Variants in DSCAML1 observed in about 807,000 individuals in gnomAD.
DSCAML1 encodes cell adhesion molecule DSCAML1.
DSCAML1 carries 38 observed loss-of-function variants against 200.5 expected under a neutral mutation model. The observed-to-expected ratio is 0.19, with a 90% CI of 0.15 to 0.25. DSCAML1 has a LOEUF of 0.25. Ranked by LOEUF, DSCAML1 falls within the 10% of genes least tolerant of loss-of-function variation. The pLI is 1.00. For synonymous variants in DSCAML1, 1,215 were observed against 1,165.0 expected (o/e 1.04, Z -0.87); for missense variants, 2,223 against 2,858.8 (o/e 0.78, Z 5.07).
chr11:117,505,533 G>C lies in DSCAML1; in HGVS notation c.1983C>G (p.Leu661=). The C allele has an allele frequency of 6.2e-7, 1 of 1,613,552 alleles. No homozygotes were observed. The highest frequency in any genetic ancestry group is 1.1e-5 in the South Asian group (1 of 91,068). Residue 661 remains leucine (L), a synonymous_variant, in exon 9 of 33, where the codon CTC becomes CTG. Coordinates refer to ENST00000651296, the MANE Select transcript of DSCAML1 (RefSeq NM_020693.4). The surrounding 1 kb of genome is among the most constrained non-coding windows in gnomAD (Gnocchi z 6.7). ...TGCATGTATAGTTGCCGTTGTGCTT[G>C]AGGGAGACGCTAGAGATCTGCAGGG... ...MSSLQISSVS[L]KHNGNYTCIA...
chr11:117,764,659 C>A (rs2054860173), intron 3 of DSCAML1, among the ~76,000 whole-genome samples: 1 of 152,262 alleles, frequency 6.6e-6, no homozygotes, highest in Non-Finnish European at 1.5e-5. Context: ...CTGACGGAAC[C>A]AGAAGCTGTG....
rs777965273 is a variant in DSCAML1 at position 117,431,655 on chromosome 11, G to A, written c.5253C>T (p.Thr1751=). The A allele has an allele frequency of 1.2e-6, 2 of 1,613,124 alleles. No individual in the cohort carries two copies. Reference sequence around the variant, plus strand: ...GGGCAGGTGTGGAGGCCTGGCACTTGGTCAGGGTCCACTGGCTTGAGTACC... The same window carrying A: ...GGGCAGGTGTGGAGGCCTGGCACTTAGTCAGGGTCCACTGGCTTGAGTACC... ...RNRYSSQWTL[T]KCQASTPART... Residue 1751 remains threonine, a synonymous_variant, in exon 31 of 33, where the codon ACC becomes ACT. Transcript: ENST00000651296.
At chr11:117,701,747 A>G (rs764608032) in intron 3 of DSCAML1, among the ~76,000 whole-genome samples, 7 of 152,024 alleles carry the variant, frequency 4.6e-5, no homozygotes, top group Non-Finnish European at 7.4e-5. Context: ...CTTGTCTGTC[A>G]CCTACAGACC....
chr11:117,580,762 C>T (rs1436249970), intron 3 of DSCAML1, among the ~76,000 whole-genome samples: 1 of 152,138 alleles, frequency 6.6e-6, no homozygotes, highest in Admixed American at 6.5e-5. Flanking sequence ...TTCCTTCTAG[C>T]ACTGCTGTGT....
chr11:117,782,345 G>C (rs1043381651), intron 1 of DSCAML1, among the ~76,000 whole-genome samples: 1 of 152,206 alleles, frequency 6.6e-6, no homozygotes, highest in South Asian at 2.1e-4. Flanking sequence ...AAACACATTC[G>C]TGGGCTTCTT....
chr11:117,805,676 G>C (rs1357845233), intron 1 of DSCAML1, among the ~76,000 whole-genome samples: 1 of 152,078 alleles, frequency 6.6e-6, no homozygotes, highest in African/African-American at 2.4e-5. Context: ...CACTGTTTCT[G>C]GTCCACACCT....
intron 3 of DSCAML1, among the ~76,000 whole-genome samples, chr11:117,590,475 G>A (rs550320891): frequency 6.6e-6 from 1 of 152,084 alleles, no homozygotes; most frequent in Admixed American, 6.5e-5. Context: ...GAAAGCAGCA[G>A]CCAGACACCT....
chr11:117,780,521 G>A lies in DSCAML1; in HGVS notation c.336C>T (p.Ile112=). 1 of 1,455,206 alleles carries A rather than the reference G, an allele frequency of 6.9e-7. No homozygotes were observed. The highest frequency in any genetic ancestry group is 9.1e-7 in the Non-Finnish European group (1 of 1,097,472). The allele number at this position is 1,455,206 out of a possible 1,614,324, so 90.1% of individuals were successfully genotyped here. A position where few individuals can be genotyped will look rare whatever the true frequency, so the allele number is the denominator to read the frequency against. The part of the protein sequence containing the change: ...FCTAENAAGK[I]RSPNIRVKAV... ...CTTTGACGCGGATGTTGGGGCTCCG[G>A]ATCTTGCCGGCAGCGTTCTCCGCGG... The change falls in exon 2 of 33, where the codon ATC becomes ATT. Residue 112 remains isoleucine, a synonymous_variant. Coordinates refer to ENST00000651296, the MANE Select transcript of DSCAML1 (RefSeq NM_020693.4). The surrounding 1 kb of genome is among the most constrained non-coding windows in gnomAD (Gnocchi z 4.8).
intron 3 of DSCAML1, among the ~76,000 whole-genome samples, chr11:117,712,943 G>C (rs1233181928): frequency 2.6e-5 from 4 of 151,968 alleles, no homozygotes; most frequent in Non-Finnish European, 5.9e-5. Context: ...AAGAGATTGA[G>C]GTATGAAAGA....
intron 3 of DSCAML1, among the ~76,000 whole-genome samples, chr11:117,554,871 C>T (rs562374563): frequency 5.9e-5 from 9 of 152,290 alleles, no homozygotes; most frequent in South Asian, 4.1e-4. Context: ...AATTTGGCCA[C>T]GCTGTTGTGG....
intron 3 of DSCAML1, among the ~76,000 whole-genome samples, chr11:117,582,793 C>A (rs1483201016): frequency 6.6e-6 from 1 of 152,180 alleles, no homozygotes; most frequent in Non-Finnish European, 1.5e-5. Flanking sequence ...GGGATATTGA[C>A]CCCTCAGTTC....
intron 3 of DSCAML1, among the ~76,000 whole-genome samples, chr11:117,715,417 A>T (rs2053935027): frequency 6.6e-6 from 1 of 152,106 alleles, no homozygotes; most frequent in African/African-American, 2.4e-5. Flanking sequence ...AAGTTAATGC[A>T]CTTCAATGGG....
chr11:117,634,527 G>A (rs763134826), intron 3 of DSCAML1, among the ~76,000 whole-genome samples: 5 of 152,160 alleles, frequency 3.3e-5, no homozygotes, highest in Non-Finnish European at 7.3e-5. Context: ...AAGATGTGGC[G>A]GGCCTGGGGA....
chr11:117,747,942 G>A (rs754579522), intron 3 of DSCAML1, among the ~76,000 whole-genome samples: 16 of 152,210 alleles, frequency 1.1e-4, no homozygotes, highest in Middle Eastern at 6.8e-3. Flanking sequence ...TCTTTAGTAA[G>A]GAGAAGAGTC....
At chr11:117,600,660 G>A (rs184313878) in intron 3 of DSCAML1, among the ~76,000 whole-genome samples, 21 of 152,338 alleles carry the variant, frequency 1.4e-4, no homozygotes, top group Admixed American at 1.2e-3. Flanking sequence ...ATTCAGAGTG[G>A]AGTCATTTGC....
rs1218540625 is a variant in DSCAML1, at chr11:117,450,649, G to A, written c.3608C>T (p.Ser1203Leu). 2 of 1,614,214 alleles carry A rather than the reference G, an allele frequency of 1.2e-6. No homozygotes were observed. Among genetic ancestry groups the A allele is most frequent in the South Asian group, 2.2e-5 (2 of 91,084 alleles). Residue 1203 changes from serine (S) to leucine (L), a missense_variant, in exon 20 of 33, where the codon TCA becomes TTA. This residue lies in a region of DSCAML1 where 438 missense variants were observed against 629.7 expected (regional missense o/e 0.70). Transcript: ENST00000651296. ...PPAGIKAVPS[S>L]ASSVVVSWLP... ...CCAAGACACAACCACACTGCTAGCT[G>A]ATGAAGGGACAGCTTTGATGCCAGC...
At chr11:117,578,600 T>C (rs145931669) in intron 3 of DSCAML1, among the ~76,000 whole-genome samples, 304 of 151,982 alleles carry the variant, frequency 2.0e-3, no homozygotes, top group African/African-American at 6.7e-3. Flanking sequence ...AGTCCAGGAG[T>C]TCAAGGCTAC....
At chr11:117,537,459 G>A (rs1418740946) in intron 3 of DSCAML1, among the ~76,000 whole-genome samples, 2 of 152,206 alleles carry the variant, frequency 1.3e-5, no homozygotes, top group Non-Finnish European at 2.9e-5. Flanking sequence ...GGCCACCAGG[G>A]GTGGCGGGGA....
At chr11:117,576,385 C>A (rs542827697) in intron 3 of DSCAML1, among the ~76,000 whole-genome samples, 1 of 152,194 alleles carries the variant, frequency 6.6e-6, no homozygotes, top group South Asian at 2.1e-4. Context: ...TGGGTCCAGT[C>A]TTGCTCCTCC....
Sources: gnomAD v4.1 joint callset for allele counts (sites outside exome capture counted in the v4.1 genomes callset) on GRCh38, gnomAD v4.1.1 for gene constraint, gnomAD v4.1.1 regional missense constraint, Gnocchi (gnomAD v3.1) non-coding constraint, MANE v1.5 for transcripts, NCBI Gene and HGNC (gene_info 2026-07-23, HGNC 2026-07-21) for gene names.